The following PCSK2 variants were observed in gnomAD, a reference collection of about 807,000 sequenced individuals.
PCSK2 encodes neuroendocrine convertase 2.
In PCSK2, 14 loss-of-function variants were observed where a neutral mutation model predicts 69.7. The ratio of observed to expected loss-of-function variants is 0.20; its 90% CI spans 0.13 to 0.31. The LOEUF is 0.31. Ranked by LOEUF, PCSK2 falls within the 10% of genes least tolerant of loss-of-function variation. PCSK2 has a pLI of 1.00. For missense variants in PCSK2, 544 were observed against 842.5 expected, an observed-to-expected ratio of 0.65 and a Z score of 4.39; for synonymous variants, 307 against 320.7, an observed-to-expected ratio of 0.96 and a Z score of 0.46.
chr20:17,391,048 G>A (rs1460335472), intron 5 of PCSK2, among the ~76,000 whole-genome samples: 1 of 152,174 alleles, frequency 6.6e-6, no homozygotes, highest in Non-Finnish European at 1.5e-5. Context: ...TATAAACTAC[G>A]AGACGAATGT....
chr20:17,443,589 G>A (rs189165046), intron 8 of PCSK2, among the ~76,000 whole-genome samples: 8 of 152,244 alleles, frequency 5.3e-5, no homozygotes, highest in Non-Finnish European at 1.0e-4. Flanking sequence ...TGACACCTGA[G>A]GCCAAAAGAG....
chr20:17,339,474 T>C (rs1333496252), intron 2 of PCSK2, among the ~76,000 whole-genome samples: 2 of 151,928 alleles, frequency 1.3e-5, no homozygotes, highest in African/African-American at 4.8e-5. Flanking sequence ...TTGATTTTTT[T>C]ATTCCTTTAC....
intron 6 of PCSK2, among the ~76,000 whole-genome samples, chr20:17,424,922 C>T (rs2032212867): frequency 1.3e-5 from 2 of 152,058 alleles, no homozygotes; most frequent in African/African-American, 2.4e-5. Flanking sequence ...GTAGCTAGAA[C>T]TACAGAGACA....
At chr20:17,283,671 A>C (rs1988403997) in intron 2 of PCSK2, among the ~76,000 whole-genome samples, 1 of 152,180 alleles carries the variant, frequency 6.6e-6, no homozygotes, top group Non-Finnish European at 1.5e-5. Context: ...AAGAGTGAGC[A>C]TTTTTTTGAA....
At chr20:17,387,456 G>A (rs768768319) in intron 5 of PCSK2, among the ~76,000 whole-genome samples, 1 of 152,168 alleles carries the variant, frequency 6.6e-6, no homozygotes, top group Non-Finnish European at 1.5e-5. Context: ...ACTCAACCAG[G>A]GCTGGAGGAT....
rs540705434 is a variant in PCSK2, at chr20:17,387,566, A to T, written c.543+18289A>T. ...ACTGCTTGAGCATCCTCATGACATG[A>T]TAGCTGACTTCACCCAGAGCAAGCA... is the stretch of plus-strand genomic sequence containing the variant. On this transcript the variant is annotated intron_variant, in intron 5 of 11. Coordinates refer to ENST00000262545, the MANE Select transcript of PCSK2 (RefSeq NM_002594.5). Among the ~76,000 whole-genome samples the T allele has an allele frequency of 2.4e-4, 37 of 152,320 alleles. 2 individuals carry two copies. In the South Asian group the frequency reaches 6.8e-3, roughly 28 times the overall value.
intron 7 of PCSK2, among the ~76,000 whole-genome samples, chr20:17,432,988 G>T (rs572712003): frequency 6.6e-6 from 1 of 152,306 alleles, no homozygotes; most frequent in African/African-American, 2.4e-5. Flanking sequence ...GCGCCTGAGG[G>T]TGGGGCTCTA....
intron 2 of PCSK2, among the ~76,000 whole-genome samples, chr20:17,342,842 G>A (rs1990545954): frequency 1.3e-5 from 2 of 151,454 alleles, no homozygotes; most frequent in Admixed American, 6.6e-5. Flanking sequence ...TTTTGGTAGA[G>A]ATAGGGTCTT....
intron 2 of PCSK2, among the ~76,000 whole-genome samples, chr20:17,293,276 AT>A (rs1261730382): frequency 2.0e-5 from 3 of 152,222 alleles, no homozygotes; most frequent in Non-Finnish European, 2.9e-5. Flanking sequence ...CTCATAAAGA[AT>A]AAATAATGGT....
rs1252357622 is a variant in PCSK2, at chr20:17,481,718, A to G, written c.1565A>G (p.Asn522Ser). ...TVNATRRGDL[N>S]INMTSPMGTK... ...AACGCAACCAGAAGAGGAGACCTGA[A>G]CATCAACATGACTTCCCCTATGGGC... The change falls in exon 12 of 12, where the codon AAC (asparagine) becomes AGC (serine). Residue 522 changes from asparagine to serine, a missense_variant. By Grantham distance (46) the Asn-to-Ser change is conservative. This residue lies in a region of PCSK2 where 200 missense variants were observed against 287.8 expected (regional missense o/e 0.69). Transcript: ENST00000262545. The G allele has an allele frequency of 6.2e-7, 1 of 1,614,178 alleles. No homozygotes were observed. Among genetic ancestry groups the G allele is most frequent in the Non-Finnish European group, 8.5e-7 (1 of 1,180,028 alleles).
intron 11 of PCSK2, among the ~76,000 whole-genome samples, chr20:17,479,738 A>C (rs1179256537): frequency 7.0e-6 from 1 of 142,608 alleles, no homozygotes; most frequent in Non-Finnish European, 1.5e-5. Context: ...CGGAGCTTGC[A>C]GTGAGCCGAG....
At chr20:17,447,881 G>A (rs2032731787) in intron 8 of PCSK2, among the ~76,000 whole-genome samples, 1 of 151,972 alleles carries the variant, frequency 6.6e-6, no homozygotes, top group Non-Finnish European at 1.5e-5. Flanking sequence ...GGCCAAGAAA[G>A]TTGATCTATT....
chr20:17,267,884 G>C (rs1220888357), intron 2 of PCSK2, among the ~76,000 whole-genome samples: 1 of 151,962 alleles, frequency 6.6e-6, no homozygotes, highest in Non-Finnish European at 1.5e-5. Flanking sequence ...ACAAGGTGAA[G>C]AGTCTCTAAT....
chr20:17,465,620 G>T, intron 11 of PCSK2, 67 bp downstream of exon 11: 1 of 949,804 alleles, frequency 1.1e-6, no homozygotes, highest in Non-Finnish European at 1.6e-6. Context: ...CATGGCATTG[G>T]CATAATATCA....
intron 2 of PCSK2, among the ~76,000 whole-genome samples, chr20:17,285,515 G>A (rs1384281035): frequency 2.6e-5 from 4 of 152,186 alleles, no homozygotes; most frequent in African/African-American, 9.7e-5. Context: ...CTGGTCTGTT[G>A]AAGTCTAGTG....
At chr20:17,314,919 A>G (rs1452139330) in intron 2 of PCSK2, among the ~76,000 whole-genome samples, 1 of 152,232 alleles carries the variant, frequency 6.6e-6, no homozygotes, top group African/African-American at 2.4e-5. Context: ...CTTCAGGAAT[A>G]TGCTGATGGC....
In PCSK2 at chr20:17,334,737, C is replaced by T. The variant is rs543909010; in HGVS notation, c.283-23590C>T. On this transcript the variant is annotated intron_variant, in intron 2 of 11. Transcript: ENST00000262545. ...CTGGAACCACAGGACCAGTACTTCT[C>T]ACCCACACATCTATTGTATGGGCCT... Among the ~76,000 whole-genome samples the T allele has an allele frequency of 7.4e-4, 112 of 152,308 alleles. 1 individual carries two copies. The highest frequency in any genetic ancestry group is 1.5e-3 in the Non-Finnish European group (103 of 68,030).
chr20:17,328,356 A>T (rs183291316), intron 2 of PCSK2, among the ~76,000 whole-genome samples: 176 of 149,308 alleles, frequency 1.2e-3, no homozygotes, highest in African/African-American at 4.1e-3. Flanking sequence ...ACCATATGCA[A>T]TATATAAATA....
intron 2 of PCSK2, among the ~76,000 whole-genome samples, chr20:17,261,062 A>G (rs1319299978): frequency 1.3e-5 from 2 of 152,110 alleles, no homozygotes; most frequent in East Asian, 3.9e-4. Context: ...CTTCTCTCCC[A>G]GTGTTCCCAC....
Sources: gnomAD v4.1 joint callset for allele counts (sites outside exome capture counted in the v4.1 genomes callset) on GRCh38, gnomAD v4.1.1 for gene constraint, gnomAD v4.1.1 regional missense constraint, MANE v1.5 for transcripts, NCBI Gene and HGNC (gene_info 2026-07-23, HGNC 2026-07-21) for gene names.